Variants in SLC20A2 observed in about 807,000 individuals in gnomAD.
The protein encoded by SLC20A2 is solute carrier family 20 member 2, also known as sodium-dependent phosphate transporter 2.
A neutral mutation model predicts 61.0 loss-of-function variants in SLC20A2; 30 were observed. That is an observed-to-expected ratio of 0.49 (90% CI 0.37 to 0.67). SLC20A2 has a LOEUF of 0.67. SLC20A2 is among the 30% of genes least tolerant of loss of function. SLC20A2 has a pLI of 0.00. For synonymous variants in SLC20A2, 351 were observed against 353.3 expected (o/e 0.99, Z 0.07); for missense variants, 626 against 866.4 (o/e 0.72, Z 3.48).
At chr8:42,538,468 G>A (rs1435760475) in intron 1 of SLC20A2, among the ~76,000 whole-genome samples, 1 of 152,180 alleles carries the variant, frequency 6.6e-6, no homozygotes. Context: ...ATCATTGTGG[G>A]CTGCAGATTG....
At chr8:42,494,141 A>G (rs1378744334) in intron 1 of SLC20A2, among the ~76,000 whole-genome samples, 2 of 152,152 alleles carry the variant, frequency 1.3e-5, no homozygotes, top group Non-Finnish European at 2.9e-5. Context: ...CCCTGTCTCA[A>G]AACTAATAAT....
chr8:42,438,080 A>AC (rs1804478299), intron 7 of SLC20A2, among the ~76,000 whole-genome samples: 1 of 148,632 alleles, frequency 6.7e-6, no homozygotes, highest in Admixed American at 6.7e-5. Flanking sequence ...AAAAAAAAAA[A>AC]AAAAAAAAAC....
chr8:42,460,541 C>T (rs944289897), intron 4 of SLC20A2, among the ~76,000 whole-genome samples: 4 of 152,156 alleles, frequency 2.6e-5, no homozygotes. Context: ...TATGAATTTC[C>T]GAATCTTTTC....
intron 1 of SLC20A2, chr8:42,541,810 T>G (rs1052555851): frequency 6.8e-6 from 1 of 147,948 alleles, no homozygotes; most frequent in Non-Finnish European, 1.5e-5. Context: ...GTAAGGGGGG[T>G]GGCCGCCCGC....
chr8:42,529,065 CTT>C (rs1284243782), intron 1 of SLC20A2, among the ~76,000 whole-genome samples: 1 of 152,000 alleles, frequency 6.6e-6, no homozygotes, highest in African/African-American at 2.4e-5. Flanking sequence ...ACCTCAAACT[CTT>C]TGGCTCAAGC....
In SLC20A2 at chr8:42,509,917, C is replaced by T. The variant is rs1479562045; in HGVS notation, c.-265+31904G>A. ...GCACAGGCTTATTAAGTGCAACCTT[C>T]ACTTCTATAATTTATTACTATGCAA... On this transcript the variant is annotated intron_variant, in intron 1 of 10. Coordinates refer to the SLC20A2 transcript ENST00000342228. 2.0e-5 allele frequency among the ~76,000 whole-genome samples: 3 copies of T among 152,302 alleles called. No individual in the cohort carries two copies. In the East Asian group the frequency reaches 5.8e-4, roughly 29 times the overall value.
chr8:42,476,588 C>T (rs143311887), intron 1 of SLC20A2, among the ~76,000 whole-genome samples: 4 of 152,172 alleles, frequency 2.6e-5, no homozygotes, highest in African/African-American at 7.2e-5. Flanking sequence ...TGCTTGGGGA[C>T]GTTGTTAATC....
Position 42,449,130 on chromosome 8 carries a change from C to T in SLC20A2, c.614-4368G>A, listed in dbSNP as rs531625442. Among the ~76,000 whole-genome samples, 8 of 152,238 alleles carry T rather than the reference C, an allele frequency of 5.3e-5. No homozygotes were observed. The South Asian group carries it at 1.7e-3, about 32-fold the overall frequency. ...TAAATTGTCTTTCTGGTACGGATCTCGAATTGTTTCCAAACAATTATGGCT... is the reference window on the plus strand; with the variant it reads ...TAAATTGTCTTTCTGGTACGGATCTTGAATTGTTTCCAAACAATTATGGCT... On this transcript the variant is annotated intron_variant, in intron 5 of 10. Transcript: ENST00000520262.
At chr8:42,498,927 G>A (rs753913673) in intron 1 of SLC20A2, among the ~76,000 whole-genome samples, 1 of 152,196 alleles carries the variant, frequency 6.6e-6, no homozygotes, top group African/African-American at 2.4e-5. Flanking sequence ...TCCTCTCTGC[G>A]TCCCTGAGAA....
intron 2 of SLC20A2, among the ~76,000 whole-genome samples, chr8:42,468,353 A>T (rs952768065): frequency 6.6e-6 from 1 of 152,142 alleles, no homozygotes. Context: ...GAGAGTTTGT[A>T]AAGAAAGGTA....
chr8:42,452,043 G>A (rs1424513029), intron 5 of SLC20A2, among the ~76,000 whole-genome samples: 1 of 122,630 alleles, frequency 8.2e-6, no homozygotes, highest in Non-Finnish European at 1.6e-5. Flanking sequence ...GAGGAAGAGA[G>A]GGGGAGGAAG....
Position 42,417,935 on chromosome 8 carries a change from G to T in SLC20A2, c.1827C>A (p.Arg609=). 1 of 1,613,750 alleles carries T rather than the reference G, an allele frequency of 6.2e-7. No homozygotes were observed. The highest frequency in any genetic ancestry group is 8.5e-7 in the Non-Finnish European group (1 of 1,179,852). ...VGSVVAVGWI[R]SRKAVDWRLF... ...GGCGCCAGTCCACAGCCTTGCGGGA[G>T]CGGATCCAGCCCACGGCCACCACCG... Residue 609 remains arginine (R), a synonymous_variant, in exon 11 of 11, where the codon CGC becomes CGA. Coordinates refer to ENST00000520262, the MANE Select transcript of SLC20A2 (RefSeq NM_001257180.2).
At chr8:42,510,864 A>C (rs944454471) in intron 1 of SLC20A2, among the ~76,000 whole-genome samples, 3 of 152,024 alleles carry the variant, frequency 2.0e-5, no homozygotes, top group Non-Finnish European at 4.4e-5. Context: ...TTTTGAAAAA[A>C]AAATTTTATA....
chr8:42,418,899 G>A (rs1438460574), intron 10 of SLC20A2, among the ~76,000 whole-genome samples: 3 of 151,274 alleles, frequency 2.0e-5, no homozygotes, highest in African/African-American at 7.3e-5. Context: ...TTGGGAGGCT[G>A]AGGCGGGAGA....
chr8:42,512,178 C>G (rs186249356), intron 1 of SLC20A2, among the ~76,000 whole-genome samples: 3 of 152,110 alleles, frequency 2.0e-5, no homozygotes, highest in East Asian at 3.8e-4. Context: ...ATTGCCAGGA[C>G]AGGATTCATT....
In SLC20A2 at chr8:42,537,322, G is replaced by A. The variant is rs1028682039; in HGVS notation, c.-265+4499C>T. 5.2e-5 allele frequency among the ~76,000 whole-genome samples: 7 copies of A among 135,254 alleles called. No homozygotes were observed. The South Asian group carries it at 9.6e-4, about 19-fold the overall frequency. 88.7% of individuals were successfully genotyped at this position (135,254 alleles called of 152,430 possible). A position where few individuals can be genotyped will look rare whatever the true frequency, so the allele number is the denominator to read the frequency against. On this transcript the variant is annotated intron_variant, in intron 1 of 10. Coordinates refer to the SLC20A2 transcript ENST00000342228. ...TTGCTTGAGGCAGAGGCTGCAGTGA[G>A]ATCACACTACTGTACTCTAACCCGG...
At chr8:42,508,934 G>T (rs548451681) in intron 1 of SLC20A2, among the ~76,000 whole-genome samples, 1 of 152,168 alleles carries the variant, frequency 6.6e-6, no homozygotes, top group Non-Finnish European at 1.5e-5. Flanking sequence ...CTGCAGCAAG[G>T]CTACCTGGTT....
At chr8:42,536,592 T>A (rs902193751) in intron 1 of SLC20A2, 1 of 152,258 alleles carries the variant, frequency 6.6e-6, no homozygotes, top group African/African-American at 2.4e-5. Flanking sequence ...TTCTTCATCT[T>A]GCTGAAATTT....
At chr8:42,432,729 GC>G (rs530999723) in intron 8 of SLC20A2, among the ~76,000 whole-genome samples, 18 of 152,282 alleles carry the variant, frequency 1.2e-4, no homozygotes, top group African/African-American at 4.1e-4. Flanking sequence ...CAACATCAAG[GC>G]CCAGACCCTC....
Sources: gnomAD v4.1 joint callset for allele counts (sites outside exome capture counted in the v4.1 genomes callset) on GRCh38, gnomAD v4.1.1 for gene constraint, MANE v1.5 for transcripts, NCBI Gene and HGNC (gene_info 2026-07-23, HGNC 2026-07-21) for gene names.